Variants in KIAA1549 observed in about 807,000 individuals in gnomAD.
The protein encoded by KIAA1549 is KIAA1549.
In KIAA1549, 70 loss-of-function variants were observed where a neutral mutation model predicts 156.4. That is an observed-to-expected ratio of 0.45 (90% CI 0.37 to 0.55). The LOEUF (loss-of-function observed/expected upper bound fraction) is 0.55. Ranked by LOEUF, KIAA1549 falls within the 20% of genes least tolerant of loss-of-function variation. KIAA1549 has a pLI of 0.00. For synonymous variants in KIAA1549, 1,103 were observed against 1,066.4 expected (o/e 1.03, Z -0.67); for missense variants, 2,428 against 2,540.9 (o/e 0.96, Z 0.96).
chr7:138,865,791 G>A (rs899998252), intron 15 of KIAA1549, among the ~76,000 whole-genome samples: 1 of 152,170 alleles, frequency 6.6e-6, no homozygotes. Flanking sequence ...AGACAGCCAG[G>A]AGAAGACAGG....
intron 10 of KIAA1549, among the ~76,000 whole-genome samples, chr7:138,893,196 T>C (rs1811590022): frequency 6.6e-6 from 1 of 152,202 alleles, no homozygotes; most frequent in African/African-American, 2.4e-5. Context: ...CTATAAACAC[T>C]TAAGTTGAAT....
intron 11 of KIAA1549, 131 bp downstream of exon 11, chr7:138,881,257 A>G: frequency 7.0e-6 from 6 of 856,702 alleles, no homozygotes; most frequent in Non-Finnish European, 1.1e-5. Context: ...GACTTTGGGC[A>G]AGTCATCAGT....
chr7:138,861,401 C>T lies in KIAA1549; in HGVS notation c.4985G>A (p.Arg1662Lys), dbSNP rs1403076413. 1 of 1,611,948 alleles carries T rather than the reference C, an allele frequency of 6.2e-7. No homozygotes were observed. The highest frequency in any genetic ancestry group is 8.5e-7 in the Non-Finnish European group (1 of 1,179,324). ...VQTPSSVELGRYPALPFPASQ... is the reference protein window; with the variant it reads ...VQTPSSVELGKYPALPFPASQ... ...GGCCGGGAAGGGAAGGGCTGGATAC[C>T]TCCCCAGTTCCACCGAGGATGGTGT... The change falls in exon 16 of 20, where the codon AGG becomes AAG. Residue 1662 changes from arginine (R) to lysine (K), a missense_variant. Physicochemically the swap from Arg to Lys is conservative, Grantham distance 26. This residue lies in a region of KIAA1549 where 404 missense variants were observed against 417.0 expected (regional missense o/e 0.97). Coordinates refer to ENST00000422774, the MANE Select transcript of KIAA1549 (RefSeq NM_001164665.2).
intron 18 of KIAA1549, 128 bp from the exon 19 acceptor site, chr7:138,840,406 G>C (rs547771641): frequency 2.6e-6 from 2 of 775,206 alleles, no homozygotes; most frequent in African/African-American, 3.5e-5. Flanking sequence ...ATCAGGACTT[G>C]GTACCAGTTC....
intron 1 of KIAA1549, among the ~76,000 whole-genome samples, chr7:138,966,405 C>T (rs1278766056): frequency 6.6e-6 from 1 of 151,626 alleles, no homozygotes; most frequent in Non-Finnish European, 1.5e-5. Flanking sequence ...TATATATATA[C>T]ACACAGAGGA....
At chr7:138,978,880 G>A (rs942373916) in intron 1 of KIAA1549, among the ~76,000 whole-genome samples, 1 of 152,084 alleles carries the variant, frequency 6.6e-6, no homozygotes, top group East Asian at 1.9e-4. Flanking sequence ...CAACAGCACC[G>A]CCCAGGCACC....
At chr7:138,862,503 TA>T (rs1191016536) in intron 15 of KIAA1549, among the ~76,000 whole-genome samples, 330 of 114,416 alleles carry the variant, frequency 2.9e-3, no homozygotes, top group Middle Eastern at 4.7e-3. Context: ...CCTAGACTCT[TA>T]AAAAAAAAAA....
In KIAA1549 at chr7:138,919,307, G is replaced by T. The variant is rs1174274805; in HGVS notation, c.319C>A (p.Leu107Ile). The change falls in exon 2 of 20, where the codon CTC becomes ATC. Residue 107 changes from leucine to isoleucine, a missense_variant. Physicochemically the swap from Leu to Ile is conservative, Grantham distance 5. Around this residue, in one of 5 missense-constraint regions of KIAA1549, gnomAD observed 893 missense variants for 847.9 expected, o/e 1.05. Coordinates refer to ENST00000422774, the MANE Select transcript of KIAA1549 (RefSeq NM_001164665.2). ...GCAGACGGCGGGGCTGTGACATGGA[G>T]AGGACTGCTGTGCTGGGAGCCGGGA... ...TAPGSQHSSP[L>I]HVTAPPSATT... 6.2e-7 allele frequency: 1 copy of T among 1,613,948 alleles called. No homozygotes were observed. The highest frequency in any genetic ancestry group is 1.3e-5 in the African/African-American group (1 of 74,944).
intron 1 of KIAA1549, among the ~76,000 whole-genome samples, chr7:138,944,338 A>G (rs1813281084): frequency 6.6e-6 from 1 of 152,204 alleles, no homozygotes; most frequent in African/African-American, 2.4e-5. Flanking sequence ...AAGGAAATGC[A>G]AATCAAAAGC....
At chr7:138,966,607 C>T (rs1733747828) in intron 1 of KIAA1549, among the ~76,000 whole-genome samples, 1 of 151,842 alleles carries the variant, frequency 6.6e-6, no homozygotes, top group Middle Eastern at 3.4e-3. Flanking sequence ...TTTTCATGTT[C>T]TTCTGCTTGC....
chr7:138,870,247 G>C (rs530162065), intron 13 of KIAA1549, among the ~76,000 whole-genome samples: 14 of 151,906 alleles, frequency 9.2e-5, no homozygotes, highest in Admixed American at 5.2e-4. Context: ...CCGAGAGAGC[G>C]ACAGGCACAG....
At chr7:138,928,256 T>A (rs1250847950) in intron 1 of KIAA1549, among the ~76,000 whole-genome samples, 1 of 150,486 alleles carries the variant, frequency 6.6e-6, no homozygotes, top group Non-Finnish European at 1.5e-5. Context: ...CCCATTTTTC[T>A]TTTGGGTTGT....
Position 138,851,426 on chromosome 7 carries a change from C to T in KIAA1549, c.5294+797G>A, listed in dbSNP as rs1333528924. 3.3e-5 allele frequency among the ~76,000 whole-genome samples: 5 copies of T among 152,100 alleles called. No homozygotes were observed. In the East Asian group the frequency reaches 9.6e-4, roughly 29 times the overall value. On this transcript the variant is annotated intron_variant, in intron 17 of 19. Coordinates refer to ENST00000422774, the MANE Select transcript of KIAA1549 (RefSeq NM_001164665.2). ...CTTCCTGGACAATGGACCTTATCTC[C>T]ATATTAAGCATAATTATTTTAGAAT... is the stretch of plus-strand genomic sequence containing the variant.
Position 138,868,042 on chromosome 7 carries a change from G to A in KIAA1549, c.4862C>T (p.Thr1621Ile), listed in dbSNP as rs772160752. The stretch of plus-strand genomic sequence containing the variant: ...CCTGTAGGTGCCATCGCTGTCTGTG[G>A]TGATGAGCCGGTCCTTCTCAGCGTC... ...PADAEKDRLI[T>I]TDSDGTYRRP... The change falls in exon 15 of 20, where the codon ACC becomes ATC. Residue 1621 changes from threonine to isoleucine, a missense_variant. By Grantham distance (89) the Thr-to-Ile change is moderately conservative. This residue lies in a region of KIAA1549 where 404 missense variants were observed against 417.0 expected (regional missense o/e 0.97). Coordinates refer to ENST00000422774, the MANE Select transcript of KIAA1549 (RefSeq NM_001164665.2). 5.0e-6 allele frequency: 8 copies of A among 1,613,960 alleles called. No homozygotes were observed. Among genetic ancestry groups the A allele is most frequent in the South Asian group, 1.1e-5 (1 of 91,056 alleles).
At chr7:138,960,290 TATTGATTTATTG>T (rs1301359688) in intron 1 of KIAA1549, among the ~76,000 whole-genome samples, 12 of 85,960 alleles carry the variant, frequency 1.4e-4, no homozygotes, top group Middle Eastern at 6.3e-3. Context: ...AATTTTATTT[TATTGATTTATTG>T]ATTTATTTAT....
At chr7:138,870,682 A>G (rs538134574) in intron 13 of KIAA1549, among the ~76,000 whole-genome samples, 187 of 152,330 alleles carry the variant, frequency 1.2e-3, no homozygotes, top group African/African-American at 4.4e-3. Context: ...GTGTCCATGC[A>G]CAGTATCTGA....
intron 10 of KIAA1549, among the ~76,000 whole-genome samples, chr7:138,889,899 T>G (rs542485604): frequency 6.6e-6 from 1 of 152,330 alleles, no homozygotes; most frequent in African/African-American, 2.4e-5. Context: ...CCAGATCACT[T>G]TTTCTAGTTT....
Position 138,918,090 on chromosome 7 carries a change from A to C in KIAA1549, c.1536T>G (p.Asp512Glu). The C allele has an allele frequency of 6.2e-7, 1 of 1,613,894 alleles. No individual in the cohort carries two copies. Among genetic ancestry groups the C allele is most frequent in the Non-Finnish European group, 8.5e-7 (1 of 1,179,856 alleles). Reference protein sequence around the residue: ...ETSVGISAEVDMSSVTTTQVP... With the variant: ...ETSVGISAEVEMSSVTTTQVP... Reference sequence around the variant, plus strand: ...CCTGTGTGGTTGTAACACTACTCATATCCACCTCGGCAGAAATGCCAACAC... The same window carrying C: ...CCTGTGTGGTTGTAACACTACTCATCTCCACCTCGGCAGAAATGCCAACAC... Residue 512 changes from aspartate (D) to glutamate (E), a missense_variant, in exon 2 of 20, where the codon GAT (aspartate) becomes GAG (glutamate). Physicochemically the swap from Asp to Glu is conservative, Grantham distance 45 (BLOSUM62 2). Coordinates refer to ENST00000422774, the MANE Select transcript of KIAA1549 (RefSeq NM_001164665.2). The surrounding 1 kb of genome is among the most constrained non-coding windows in gnomAD (Gnocchi z 4.2).
rs1810558063 is a variant in KIAA1549 at position 138,861,123 on chromosome 7, G to GA, written c.5247+15dup. 6.2e-7 allele frequency: 1 copy of GA among 1,612,726 alleles called. No individual in the cohort carries two copies. Among genetic ancestry groups the GA allele is most frequent in the African/African-American group, 1.3e-5 (1 of 74,924 alleles). On this transcript the variant is annotated intron_variant, in intron 16 of 19. Transcript: ENST00000422774. The stretch of plus-strand genomic sequence containing the variant: ...ACATCTTGCCCATCAGAGAATTCTA[G>GA]AAGGCCAGTACTTACACTGCAGGGA...
Sources: allele counts gnomAD v4.1 joint callset (sites outside exome capture counted in the v4.1 genomes callset), GRCh38; gene constraint gnomAD v4.1.1; regional missense constraint gnomAD v4.1.1; non-coding constraint Gnocchi (gnomAD v3.1); transcripts MANE v1.5; gene names NCBI Gene and HGNC (gene_info 2026-07-23, HGNC 2026-07-21).